Variants in SNX25 observed in about 807,000 individuals in gnomAD.
SNX25 encodes the protein sorting nexin 25.
Under a neutral mutation model 113.7 loss-of-function variants are expected in SNX25, and 62 were observed. That is an observed-to-expected ratio of 0.55 (90% CI 0.44 to 0.67). SNX25 has a LOEUF of 0.67. SNX25 is among the 30% of genes least tolerant of loss of function. The pLI, the probability that SNX25 is intolerant of heterozygous loss-of-function variation, is 0.00. For synonymous variants in SNX25, 421 were observed against 436.2 expected, an observed-to-expected ratio of 0.97 and a Z score of 0.43; for missense variants, 1,014 against 1,161.0, an observed-to-expected ratio of 0.87 and a Z score of 1.84.
chr4:185,243,463 T>C (rs1744368187), intron 1 of SNX25, among the ~76,000 whole-genome samples: 1 of 151,914 alleles, frequency 6.6e-6, no homozygotes, highest in Non-Finnish European at 1.5e-5. Context: ...ACTTAAAACA[T>C]AGCGGGACAC....
At chr4:185,214,890 C>G (rs903626874) in intron 1 of SNX25, among the ~76,000 whole-genome samples, 1 of 152,154 alleles carries the variant, frequency 6.6e-6, no homozygotes, top group East Asian at 1.9e-4. Flanking sequence ...ATTTCAAGCA[C>G]AGTTTCCTAG....
At chr4:185,364,754 T>C (rs1463746883), downstream of SNX25, 1 of 152,130 alleles carries the variant, frequency 6.6e-6, no homozygotes, top group Non-Finnish European at 1.5e-5. Context: ...CAAAAGACTA[T>C]ATAGAAAAGA....
chr4:185,240,724 G>A (rs1373378230), intron 1 of SNX25, among the ~76,000 whole-genome samples: 2 of 152,006 alleles, frequency 1.3e-5, no homozygotes, highest in Non-Finnish European at 1.5e-5. Flanking sequence ...TCCCAGACGG[G>A]GTGGCTGCCG....
intron 1 of SNX25, among the ~76,000 whole-genome samples, chr4:185,237,445 T>C (rs1460041678): frequency 6.6e-6 from 1 of 152,220 alleles, no homozygotes; most frequent in African/African-American, 2.4e-5. Context: ...TCTGTTATGC[T>C]GTGTCTTACT....
At chr4:185,225,207 C>T (rs1381672500) in intron 1 of SNX25, among the ~76,000 whole-genome samples, 1 of 151,672 alleles carries the variant, frequency 6.6e-6, no homozygotes, top group Non-Finnish European at 1.5e-5. Context: ...CAAGCTCCAC[C>T]TCCCAGGTTC....
At chr4:185,212,751 C>G (rs1738153351) in intron 1 of SNX25, among the ~76,000 whole-genome samples, 1 of 152,188 alleles carries the variant, frequency 6.6e-6, no homozygotes, top group South Asian at 2.1e-4. Flanking sequence ...AGCTGGACCA[C>G]ACAGGTCAGC....
intron 16 of SNX25, among the ~76,000 whole-genome samples, chr4:185,358,348 TGA>T (rs1159948393): frequency 2.6e-5 from 4 of 152,216 alleles, no homozygotes; most frequent in African/African-American, 4.8e-5. Flanking sequence ...AGTCTTTCAC[TGA>T]GTGTTCTAAT....
At chr4:185,265,691 A>G (rs1409025175) in intron 4 of SNX25, among the ~76,000 whole-genome samples, 1 of 152,050 alleles carries the variant, frequency 6.6e-6, no homozygotes, top group Admixed American at 6.6e-5. Context: ...TGAACTTTTA[A>G]TTTTTTTAAA....
rs148962133 is a variant in SNX25, at chr4:185,288,161, T to C, written c.1162+79T>C. 1.2e-3 allele frequency: 1,338 copies of C among 1,109,940 alleles called. 13 individuals are homozygous for C. In the African/African-American group the frequency reaches 0.017, roughly 14 times the overall value. 68.8% of individuals were successfully genotyped at this position (1,109,940 alleles called of 1,614,324 possible). On this transcript the variant is annotated intron_variant, in intron 6 of 18. Coordinates refer to ENST00000652585, the MANE Select transcript of SNX25 (RefSeq NM_001378034.2). ...CCGGCCTTCTCCCACCTGTCAGATC[T>C]TTGGCAAATAGGAGCTTTTCTGGCT...
chr4:185,262,734 AT>A (rs764906681), intron 3 of SNX25, among the ~76,000 whole-genome samples: 8 of 152,214 alleles, frequency 5.3e-5, no homozygotes, highest in Non-Finnish European at 7.3e-5. Context: ...TAAATAAAAG[AT>A]TAATGTCCTT....
intron 2 of SNX25, among the ~76,000 whole-genome samples, chr4:185,255,147 T>C (rs1182359948): frequency 1.3e-5 from 2 of 152,118 alleles, no homozygotes; most frequent in East Asian, 3.9e-4. Flanking sequence ...TTTATTTTTT[T>C]TTTTGAGACA....
chr4:185,336,666 C>T lies in SNX25; in HGVS notation c.1915-2713C>T, dbSNP rs564347670. On this transcript the variant is annotated intron_variant, in intron 10 of 18. Coordinates refer to ENST00000652585, the MANE Select transcript of SNX25 (RefSeq NM_001378034.2). ...TTTTTGTATAATGACTTCTTTTCCT[C>T]TGAGTAGATCCCTAGTAGTGGGATT... 8.4e-3 allele frequency among the ~76,000 whole-genome samples: 1,272 copies of T among 152,294 alleles called. 12 individuals carry two copies. The highest frequency in any genetic ancestry group is 0.028 in the African/African-American group (1,180 of 41,566).
chr4:185,231,192 G>A (rs1214749411), intron 1 of SNX25, among the ~76,000 whole-genome samples: 2 of 150,900 alleles, frequency 1.3e-5, no homozygotes, highest in Non-Finnish European at 3.0e-5. Context: ...TCTGCTTCCT[G>A]GGTTCACGCC....
intron 2 of SNX25, among the ~76,000 whole-genome samples, chr4:185,258,064 C>A (rs1746711134): frequency 6.6e-6 from 1 of 152,200 alleles, no homozygotes; most frequent in Admixed American, 6.5e-5. Context: ...GCCATTCCCA[C>A]TAGGACTGAG....
intron 7 of SNX25, among the ~76,000 whole-genome samples, chr4:185,319,564 T>C (rs2095104144): frequency 6.6e-6 from 1 of 151,614 alleles, no homozygotes. Context: ...GCACTCAAAG[T>C]CATCTTTGGA....
intron 10 of SNX25, among the ~76,000 whole-genome samples, chr4:185,337,951 T>C (rs1396290784): frequency 6.6e-6 from 1 of 152,228 alleles, no homozygotes; most frequent in Non-Finnish European, 1.5e-5. Flanking sequence ...ATGTCCTTAT[T>C]GGCCATTTGT....
At chr4:185,267,951 C>T (rs1285054455) in intron 5 of SNX25, among the ~76,000 whole-genome samples, 1 of 152,100 alleles carries the variant, frequency 6.6e-6, no homozygotes, top group Non-Finnish European at 1.5e-5. Context: ...AGTAGATCAT[C>T]ATAAAGGTCT....
chr4:185,239,293 C>A (rs963990094), intron 1 of SNX25, among the ~76,000 whole-genome samples: 33 of 151,768 alleles, frequency 2.2e-4, no homozygotes, highest in East Asian at 5.8e-4. Flanking sequence ...ACCATCCTGG[C>A]CAACACGGTG....
chr4:185,366,887 A>C (rs897151445), downstream of SNX25: 1 of 215,100 alleles, frequency 4.6e-6, no homozygotes, highest in Non-Finnish European at 9.1e-6. Context: ...TGTTTAAGAA[A>C]GGATAAACGA....
Sources: allele counts gnomAD v4.1 joint callset (sites outside exome capture counted in the v4.1 genomes callset), GRCh38; gene constraint gnomAD v4.1.1; transcripts MANE v1.5; gene names NCBI Gene and HGNC (gene_info 2026-07-23, HGNC 2026-07-21).